SEMA6A: variants seen among roughly 807,000 people sequenced by gnomAD.
SEMA6A encodes the protein semaphorin 6A.
Under a neutral mutation model 96.8 loss-of-function variants are expected in SEMA6A, and 25 were observed. The observed-to-expected ratio is 0.26, with a 90% confidence interval of 0.19 to 0.36. The LOEUF (loss-of-function observed/expected upper bound fraction) is 0.36, where lower values mean the gene tolerates loss of function less well. SEMA6A is among the 10% of genes least tolerant of loss of function. The pLI is 1.00. For missense variants in SEMA6A, 1,363 were observed against 1,323.1 expected (o/e 1.03, Z -0.47); for synonymous variants, 612 against 518.0 (o/e 1.18, Z -2.46).
chr5:116,571,515 G>A (rs547118666), intron 1 of SEMA6A, among the ~76,000 whole-genome samples: 15 of 152,114 alleles, frequency 9.9e-5, no homozygotes, highest in Non-Finnish European at 1.6e-4. Context: ...TTTGATGTTC[G>A]TTCTTTTCTG....
intron 17 of SEMA6A, chr5:116,472,681 T>G: frequency 2.0e-6 from 1 of 490,248 alleles, no homozygotes; most frequent in East Asian, 3.4e-5. Flanking sequence ...GATTAAAAAT[T>G]TAGGACTCAG....
At chr5:116,529,508 T>G (rs1032557368) in intron 1 of SEMA6A, among the ~76,000 whole-genome samples, 6 of 152,050 alleles carry the variant, frequency 3.9e-5, no homozygotes, top group Non-Finnish European at 8.8e-5. Context: ...TCACACAGTA[T>G]CCCATAAATA....
At chr5:116,456,801 T>G (rs992391395) in intron 18 of SEMA6A, among the ~76,000 whole-genome samples, 5 of 152,180 alleles carry the variant, frequency 3.3e-5, no homozygotes, top group Non-Finnish European at 7.3e-5. Flanking sequence ...GTGGCTTCCT[T>G]TAAAGGCCTG....
chr5:116,559,337 C>G (rs1200288833), intron 1 of SEMA6A, among the ~76,000 whole-genome samples: 1 of 152,134 alleles, frequency 6.6e-6, no homozygotes, highest in African/African-American at 2.4e-5. Context: ...GTGCGTCGCC[C>G]AGATAGCAGA....
In SEMA6A at chr5:116,447,559, T is replaced by C. The variant is rs201463509; in HGVS notation, c.2147A>G (p.Asp716Gly). ...CGTGAGGATGGCCTCCGGCTTTGGGTCTTTGGATTGAGTGTCCCCAAAGAG... is the reference window on the plus strand; with the variant it reads ...CGTGAGGATGGCCTCCGGCTTTGGGCCTTTGGATTGAGTGTCCCCAAAGAG... ...SGLFGDTQSK[D>G]PKPEAILTPL... The change falls in exon 19 of 19, where the codon GAC becomes GGC. Residue 716 changes from aspartate to glycine, a missense_variant. By Grantham distance (94) the Asp-to-Gly change is moderately conservative (BLOSUM62 -1). Coordinates refer to ENST00000343348, the MANE Select transcript of SEMA6A (RefSeq NM_020796.5). 1 of 1,613,950 alleles carries C rather than the reference T, an allele frequency of 6.2e-7. No individual in the cohort carries two copies. Among genetic ancestry groups the C allele is most frequent in the East Asian group, 2.2e-5 (1 of 44,874 alleles).
intron 1 of SEMA6A, among the ~76,000 whole-genome samples, chr5:116,541,823 ACTCCAT>A (rs1461142779): frequency 2.6e-5 from 4 of 152,050 alleles, no homozygotes; most frequent in African/African-American, 9.7e-5. Flanking sequence ...ACAGAATGGG[ACTCCAT>A]CTCAAAACAA....
chr5:116,466,141 C>T (rs945009484), intron 18 of SEMA6A, among the ~76,000 whole-genome samples: 30 of 148,592 alleles, frequency 2.0e-4, no homozygotes, highest in Admixed American at 2.7e-4. Flanking sequence ...GAAGCCGAGG[C>T]GGGTGGATCA....
At chr5:116,452,847 T>C (rs1754729928) in intron 18 of SEMA6A, among the ~76,000 whole-genome samples, 1 of 152,206 alleles carries the variant, frequency 6.6e-6, no homozygotes, top group Non-Finnish European at 1.5e-5. Flanking sequence ...CCAAGCATCT[T>C]TGTGGCTGCC....
At chr5:116,454,323 C>T (rs1023022428) in intron 18 of SEMA6A, among the ~76,000 whole-genome samples, 1 of 152,246 alleles carries the variant, frequency 6.6e-6, no homozygotes, top group East Asian at 1.9e-4. Flanking sequence ...AAAATAGATT[C>T]TTGATTCTGC....
intron 1 of SEMA6A, among the ~76,000 whole-genome samples, chr5:116,561,218 A>G (rs1760806448): frequency 6.6e-6 from 1 of 152,258 alleles, no homozygotes; most frequent in African/African-American, 2.4e-5. Flanking sequence ...GTTTATAAAC[A>G]CATTTTGAAA....
intron 3 of SEMA6A, chr5:116,498,530 C>G (rs1757720584): frequency 7.5e-6 from 1 of 133,366 alleles, no homozygotes; most frequent in Non-Finnish European, 1.5e-5. Flanking sequence ...GGGCAGTTGG[C>G]TTAGAAAATT....
At chr5:116,471,259 A>C (rs964771263) in intron 17 of SEMA6A, 1 of 152,198 alleles carries the variant, frequency 6.6e-6, no homozygotes, top group Admixed American at 6.5e-5. Context: ...TTAATAAGTA[A>C]GTACCTTTCC....
intron 1 of SEMA6A, chr5:116,554,777 A>C (rs1308648732): frequency 7.1e-6 from 1 of 140,322 alleles, no homozygotes; most frequent in Non-Finnish European, 1.6e-5. Flanking sequence ...TGGAACCAAA[A>C]ATCTCTGGCT....
Position 116,504,837 on chromosome 5 carries a change from GT to G in SEMA6A, c.100+7del. 1 of 1,581,902 alleles carries G rather than the reference GT, an allele frequency of 6.3e-7. No homozygotes were observed. The highest frequency in any genetic ancestry group is 8.6e-7 in the Non-Finnish European group (1 of 1,160,070). On this transcript the variant is annotated splice_region_variant and intron_variant, in intron 2 of 18. Transcript: ENST00000343348. ...AGGGAGACACTGAGTGAGACCATGG[GT>G]ACTTACAGTTGCCATGCGAAATACT...
At chr5:116,570,350 G>T (rs534947098) in intron 1 of SEMA6A, among the ~76,000 whole-genome samples, 1 of 152,054 alleles carries the variant, frequency 6.6e-6, no homozygotes, top group Admixed American at 6.5e-5. Flanking sequence ...AGAGTGGGGG[G>T]GGTTCCTGAT....
intron 1 of SEMA6A, among the ~76,000 whole-genome samples, chr5:116,531,600 T>A (rs1004393805): frequency 6.6e-6 from 1 of 152,224 alleles, no homozygotes; most frequent in Admixed American, 6.5e-5. Flanking sequence ...CAAAGAATAC[T>A]TGGGGGAAGG....
At chr5:116,540,000 T>G (rs1051642878) in intron 1 of SEMA6A, among the ~76,000 whole-genome samples, 1 of 152,178 alleles carries the variant, frequency 6.6e-6, no homozygotes, top group African/African-American at 2.4e-5. Context: ...ATCTCACTAT[T>G]TTCTGTTCGT....
chr5:116,454,801 TGTGTGTGTGCATGTGTGTGTGCGC>T (rs972412059), intron 18 of SEMA6A, among the ~76,000 whole-genome samples: 1 of 150,424 alleles, frequency 6.6e-6, no homozygotes, highest in African/African-American at 2.4e-5. Flanking sequence ...TGTGTGTGTG[TGTGTGTGTGCATGTGTGTGTGCGC>T]GTGTGTGTGT....
chr5:116,480,374 G>A, intron 11 of SEMA6A, 97 bp from the exon 12 acceptor site: 2 of 1,416,472 alleles, frequency 1.4e-6, no homozygotes, highest in Non-Finnish European at 1.9e-6. Flanking sequence ...TGGAATGGAG[G>A]AGAATGTACT....
Sources: allele counts gnomAD v4.1 joint callset (sites outside exome capture counted in the v4.1 genomes callset), GRCh38; gene constraint gnomAD v4.1.1; transcripts MANE v1.5; gene names NCBI Gene and HGNC (gene_info 2026-07-23, HGNC 2026-07-21).